Variants in ABLIM2 observed in about 807,000 individuals in gnomAD.
ABLIM2 encodes the protein actin binding LIM protein family member 2.
ABLIM2 carries 53 observed loss-of-function variants against 97.7 expected under a neutral mutation model. The ratio of observed to expected loss-of-function variants is 0.54; its 90% CI spans 0.44 to 0.68. The LOEUF (loss-of-function observed/expected upper bound fraction) is 0.68. Among genes scored for constraint, ABLIM2 ranks in the 30% least tolerant of loss-of-function variants. The probability of loss-of-function intolerance (pLI) is 0.00; values close to 1 mark genes in which losing one functional copy is unlikely to be tolerated. For synonymous variants in ABLIM2, 361 were observed against 345.8 expected, an observed-to-expected ratio of 1.04 and a Z score of -0.49; for missense variants, 835 against 867.2, an observed-to-expected ratio of 0.96 and a Z score of 0.47.
At chr4:8,031,446 G>A (rs573200127) in intron 10 of ABLIM2, among the ~76,000 whole-genome samples, 33 of 152,346 alleles carry the variant, frequency 2.2e-4, no homozygotes, top group African/African-American at 1.2e-4. Flanking sequence ...GACATCAAAA[G>A]TCACCGGTAC....
chr4:8,041,228 C>T (rs757582247), intron 9 of ABLIM2: 11 of 152,310 alleles, frequency 7.2e-5, no homozygotes, highest in Non-Finnish European at 1.5e-4. Context: ...ACCTGAAACC[C>T]CCACTTGGGT....
chr4:8,074,589 A>C (rs904415356), intron 6 of ABLIM2, among the ~76,000 whole-genome samples: 6 of 152,252 alleles, frequency 3.9e-5, no homozygotes, highest in African/African-American at 1.4e-4. Context: ...TATAGTAACC[A>C]TCAAGAACAC....
intron 16 of ABLIM2, chr4:8,007,801 G>A: frequency 2.3e-6 from 3 of 1,285,120 alleles, no homozygotes; most frequent in South Asian, 2.4e-5. Context: ...CTGCATTCTT[G>A]CACACCTTGG....
In ABLIM2 at chr4:8,113,380, C is replaced by A. The variant is rs1348473413; in HGVS notation, c.11-6743G>T. Among the ~76,000 whole-genome samples the A allele has an allele frequency of 6.6e-6, 1 of 152,222 alleles. No homozygotes were observed. The highest frequency in any genetic ancestry group is 6.5e-5 in the Admixed American group (1 of 15,278). On this transcript the variant is annotated intron_variant, in intron 1 of 20. Coordinates refer to ENST00000447017, the MANE Select transcript of ABLIM2 (RefSeq NM_001130083.2). The surrounding 1 kb of genome is among the most constrained non-coding windows in gnomAD (Gnocchi z 4.5). Reference sequence around the variant, plus strand: ...AAAGTGCTGGGATTACAGGCATGAGCCACCGTGCCTGGCTGGGGATTTGCT... The same window carrying A: ...AAAGTGCTGGGATTACAGGCATGAGACACCGTGCCTGGCTGGGGATTTGCT...
rs764347878 is a variant in ABLIM2, at chr4:8,020,323, G to C, written c.1268-20C>G. The C allele has an allele frequency of 6.2e-7, 1 of 1,601,980 alleles. No homozygotes were observed. Among genetic ancestry groups the C allele is most frequent in the Non-Finnish European group, 8.5e-7 (1 of 1,169,644 alleles). ...CACTGCCTCCAGACGGAAGGGCAAA[G>C]GCAGCAGATAGAAGGGGAAACGGGA... On this transcript the variant is annotated intron_variant, in intron 12 of 20. Coordinates refer to ENST00000447017, the MANE Select transcript of ABLIM2 (RefSeq NM_001130083.2).
intron 1 of ABLIM2, among the ~76,000 whole-genome samples, chr4:8,156,006 C>T (rs1326432329): frequency 6.6e-6 from 1 of 152,194 alleles, no homozygotes; most frequent in South Asian, 2.1e-4. Context: ...CTTTAAGCCA[C>T]CTGGTCTTTA....
At chr4:8,008,659 G>T (rs2150418140) in intron 15 of ABLIM2, among the ~76,000 whole-genome samples, 1 of 152,360 alleles carries the variant, frequency 6.6e-6, no homozygotes, top group East Asian at 1.9e-4. Flanking sequence ...CGTTCACAGA[G>T]TTCGGTAGCT....
chr4:8,012,816 T>C (rs1384524084), intron 14 of ABLIM2, among the ~76,000 whole-genome samples: 1 of 152,136 alleles, frequency 6.6e-6, no homozygotes, highest in Non-Finnish European at 1.5e-5. Context: ...ACCCATCCAT[T>C]CATCCATTCC....
intron 17 of ABLIM2, among the ~76,000 whole-genome samples, chr4:7,985,655 A>G (rs1053569711): frequency 3.3e-5 from 5 of 152,146 alleles, no homozygotes; most frequent in African/African-American, 1.2e-4. Flanking sequence ...GGCCCCTGGC[A>G]TGTCACCTGG....
chr4:8,116,308 A>G (rs1842750125), intron 1 of ABLIM2, among the ~76,000 whole-genome samples: 1 of 152,234 alleles, frequency 6.6e-6, no homozygotes, highest in Non-Finnish European at 1.5e-5. Context: ...GTTTCTATGC[A>G]GCTCTCTCTG....
At chr4:8,064,846 T>G (rs6850368) in intron 6 of ABLIM2, among the ~76,000 whole-genome samples, 31,385 of 152,074 alleles carry the variant, frequency 0.21, 3,750 homozygotes, top group South Asian at 0.4. Flanking sequence ...TTTGTAAAAA[T>G]GTACCAAGAT....
rs988954215 is a variant in ABLIM2, at chr4:8,071,335, C to T, written c.675+6293G>A. On this transcript the variant is annotated intron_variant, in intron 6 of 20. Transcript: ENST00000447017. The surrounding 1 kb of genome is among the most constrained non-coding windows in gnomAD (Gnocchi z 6.2). The stretch of plus-strand genomic sequence containing the variant: ...CCCCCACAGGACCCCAGCAAGGAGC[C>T]GGCTCATCAGGACAGACACCCAGAG... Among the ~76,000 whole-genome samples the T allele has an allele frequency of 5.3e-5, 8 of 152,242 alleles. No individual in the cohort carries two copies. Among genetic ancestry groups the T allele is most frequent in the Non-Finnish European group, 8.8e-5 (6 of 68,006 alleles).
intron 3 of ABLIM2, among the ~76,000 whole-genome samples, chr4:8,096,787 G>A (rs530679989): frequency 1.3e-5 from 2 of 152,192 alleles, no homozygotes; most frequent in Admixed American, 1.3e-4. Flanking sequence ...CAGGCGGAGC[G>A]GGGCCGGTGC....
rs1379643046 is a variant in ABLIM2, at chr4:8,120,817, T to C, written c.11-14180A>G. ...AGCTCAGCCCAGCCTACCGGAAACA[T>C]GCTCAGAACACCTACGCCAGCCTAC... On this transcript the variant is annotated intron_variant, in intron 1 of 20. Transcript: ENST00000447017. The surrounding 1 kb of genome is among the most constrained non-coding windows in gnomAD (Gnocchi z 5.6). Among the ~76,000 whole-genome samples the C allele has an allele frequency of 6.6e-6, 1 of 152,158 alleles. No individual in the cohort carries two copies. Among genetic ancestry groups the C allele is most frequent in the East Asian group, 1.9e-4 (1 of 5,190 alleles).
At chr4:8,012,334 C>T (rs893180112) in intron 14 of ABLIM2, among the ~76,000 whole-genome samples, 2 of 149,976 alleles carry the variant, frequency 1.3e-5, no homozygotes, top group Non-Finnish European at 3.0e-5. Context: ...CATCCACCCA[C>T]CCATCCACCC....
Position 7,986,681 on chromosome 4 carries a change from T to TTTTTTC in ABLIM2, c.1681-1794_1681-1789dup, listed in dbSNP as rs1481156211. Among the ~76,000 whole-genome samples the TTTTTTC allele has an allele frequency of 2.6e-5, 4 of 152,290 alleles. No individual in the cohort carries two copies. Among genetic ancestry groups the TTTTTTC allele is most frequent in the Non-Finnish European group, 5.9e-5 (4 of 68,028 alleles). On this transcript the variant is annotated intron_variant, in intron 17 of 20. Coordinates refer to ENST00000447017, the MANE Select transcript of ABLIM2 (RefSeq NM_001130083.2). This position sits in a 1 kb window ranked among gnomAD's most constrained non-coding sequence, Gnocchi z 4.3. ...CAGGGGTATTCACAAAGAATTTCTT[T>TTTTTTC]TTTTTCTTTGAGACAGAGTCTTGCT...
In ABLIM2 at chr4:7,986,878, C is replaced by T. The variant is rs147598139; in HGVS notation, c.1681-1985G>A. On this transcript the variant is annotated intron_variant, in intron 17 of 20. Transcript: ENST00000447017. This position sits in a 1 kb window ranked among gnomAD's most constrained non-coding sequence, Gnocchi z 4.3. ...AGTAGAGATGGGTTTCACATGTTGG[C>T]TAAGCTGGTCTCGAACTCCTGACCT... Among the ~76,000 whole-genome samples the T allele has an allele frequency of 1.3e-3, 194 of 152,294 alleles. 1 individual carries two copies. The highest frequency in any genetic ancestry group is 4.5e-3 in the African/African-American group (189 of 41,556).
At chr4:8,116,569 G>A (rs561169727) in intron 1 of ABLIM2, among the ~76,000 whole-genome samples, 61 of 152,328 alleles carry the variant, frequency 4.0e-4, no homozygotes, top group African/African-American at 1.4e-3. Flanking sequence ...CTCCATCTAT[G>A]TTGCACATCC....
Position 8,077,652 on chromosome 4 carries a change from T to C in ABLIM2, c.651A>G (p.Lys217=), listed in dbSNP as rs1358108352. 1.9e-6 allele frequency: 3 copies of C among 1,612,478 alleles called. No individual in the cohort carries two copies. Among genetic ancestry groups the C allele is most frequent in the Admixed American group, 3.3e-5 (2 of 59,854 alleles). The change falls in exon 6 of 21, where the codon AAA becomes AAG. Residue 217 remains lysine, a synonymous_variant. Coordinates refer to ENST00000447017, the MANE Select transcript of ABLIM2 (RefSeq NM_001130083.2). ...KFGIRCDSCE[K]YITGRVLEAG... is the part of the protein sequence containing the mutation. ...CCTCCAGCACGCGCCCCGTGATGTA[T>C]TTCTCACAGCTGTCACAGCGGATGC...
Sources: allele counts gnomAD v4.1 joint callset (sites outside exome capture counted in the v4.1 genomes callset), GRCh38; gene constraint gnomAD v4.1.1; non-coding constraint Gnocchi (gnomAD v3.1); transcripts MANE v1.5; gene names NCBI Gene and HGNC (gene_info 2026-07-23, HGNC 2026-07-21).